Variants in HECTD4 observed in about 807,000 individuals in gnomAD.
HECTD4 encodes HECT domain E3 ubiquitin protein ligase 4.
HECTD4 carries 114 observed loss-of-function variants against 471.5 expected under a neutral mutation model. That is an observed-to-expected ratio of 0.24 (90% confidence interval 0.21 to 0.28). HECTD4 has a LOEUF of 0.28. HECTD4 is among the 10% of genes least tolerant of loss of function. The probability of loss-of-function intolerance (pLI) is 1.00; values close to 1 mark genes in which losing one functional copy is unlikely to be tolerated. For synonymous variants in HECTD4, 2,012 were observed against 2,256.0 expected (o/e 0.89, Z 3.07); for missense variants, 3,866 against 5,651.5 (o/e 0.68, Z 10.13).
intron 8 of HECTD4, among the ~76,000 whole-genome samples, chr12:112,281,939 G>C (rs981565361): frequency 6.6e-6 from 1 of 151,950 alleles, no homozygotes; most frequent in Non-Finnish European, 1.5e-5. Flanking sequence ...ATGGAATAAT[G>C]GTTCTTAATG....
At chr12:112,306,348 G>A in intron 6 of HECTD4, 114 bp from the exon 7 acceptor site, 1 of 871,306 alleles carries the variant, frequency 1.1e-6, no homozygotes, top group South Asian at 4.5e-5. Flanking sequence ...AGGCTTTCTG[G>A]TCAAAATAAA....
intron 1 of HECTD4, among the ~76,000 whole-genome samples, chr12:112,349,760 A>C (rs1175461721): frequency 2.6e-5 from 4 of 152,200 alleles, no homozygotes; most frequent in African/African-American, 9.6e-5. Flanking sequence ...TATGGAGTAA[A>C]AATGGGTGAA....
At chr12:112,215,640 T>A (rs1476937981) in intron 48 of HECTD4, among the ~76,000 whole-genome samples, 1 of 152,096 alleles carries the variant, frequency 6.6e-6, no homozygotes, top group Admixed American at 6.6e-5. Context: ...AAGGCATTTC[T>A]CTCTCTCTCT....
At chr12:112,288,132 C>T (rs971169560) in intron 7 of HECTD4, among the ~76,000 whole-genome samples, 1 of 147,896 alleles carries the variant, frequency 6.8e-6, no homozygotes. Flanking sequence ...AGTTCGAGAC[C>T]AGCCTGGCCA....
chr12:112,366,187 A>C (rs2036553973), intron 1 of HECTD4, among the ~76,000 whole-genome samples: 1 of 151,984 alleles, frequency 6.6e-6, no homozygotes, highest in South Asian at 2.1e-4. Flanking sequence ...GAGGGGAAAA[A>C]CCCAAAATAC....
chr12:112,206,444 A>G (rs2135538140), intron 52 of HECTD4, among the ~76,000 whole-genome samples: 1 of 152,098 alleles, frequency 6.6e-6, no homozygotes, highest in African/African-American at 2.4e-5. Flanking sequence ...GCAATGAGCT[A>G]TGATTGCACC....
chr12:112,308,465 A>AAAAC lies in HECTD4; in HGVS notation c.1164+287_1164+288insGTTT, dbSNP rs1555257010. On this transcript the variant is annotated intron_variant, in intron 6 of 75. Coordinates refer to ENST00000682272, the MANE Select transcript of HECTD4 (RefSeq NM_001388303.1). ...AAAAAAACAAAAACAAAACAAAAAA[A>AAAAC]AAAAACCAGCTAGTATTTATACCAT... is the stretch of plus-strand genomic sequence containing the variant. Among the ~76,000 whole-genome samples the AAAAC allele has an allele frequency of 7.4e-4, 112 of 150,518 alleles. No homozygotes were observed. In the East Asian group the frequency reaches 0.016, roughly 22 times the overall value.
chr12:112,251,885 C>T (rs1479303716), intron 23 of HECTD4, among the ~76,000 whole-genome samples: 1 of 152,154 alleles, frequency 6.6e-6, no homozygotes, highest in Non-Finnish European at 1.5e-5. Flanking sequence ...GATTCTCCTC[C>T]CTCAGCCTCT....
chr12:112,327,992 C>T (rs1374162460), intron 1 of HECTD4, among the ~76,000 whole-genome samples: 1 of 152,100 alleles, frequency 6.6e-6, no homozygotes, highest in Non-Finnish European at 1.5e-5. Flanking sequence ...ACTATACTCC[C>T]CGGTATGGGA....
At chr12:112,372,550 C>G (rs553571575) in intron 1 of HECTD4, among the ~76,000 whole-genome samples, 1 of 152,174 alleles carries the variant, frequency 6.6e-6, no homozygotes, top group South Asian at 2.1e-4. Flanking sequence ...TCCCAAAGTG[C>G]TGGGATTACA....
intron 48 of HECTD4, among the ~76,000 whole-genome samples, chr12:112,214,965 C>T (rs1430960097): frequency 6.6e-6 from 1 of 152,024 alleles, no homozygotes; most frequent in Non-Finnish European, 1.5e-5. Context: ...ACCAGCCTGG[C>T]CAGCATGGTG....
rs756977394 is a variant in HECTD4 at position 112,207,904 on chromosome 12, G to T, written c.8101C>A (p.Leu2701Met). The change falls in exon 52 of 76, where the codon CTG becomes ATG. Residue 2701 changes from leucine to methionine, a missense_variant. Leu to Met is a conservative substitution (Grantham distance 15). Around this residue, in one of 16 missense-constraint regions of HECTD4, gnomAD observed 266 missense variants for 441.6 expected, o/e 0.60. Coordinates refer to ENST00000682272, the MANE Select transcript of HECTD4 (RefSeq NM_001388303.1). Reference sequence around the variant, plus strand: ...TGTAAGGCCCCCTTTATCTGGTCCAGGCCCGATTTCCGCTCTGCTTCATTG... The same window carrying T: ...TGTAAGGCCCCCTTTATCTGGTCCATGCCCGATTTCCGCTCTGCTTCATTG... ...FRNEAERKSGLDQIKGALQLG... is the reference protein window; with the variant it reads ...FRNEAERKSGMDQIKGALQLG... The T allele has an allele frequency of 1.2e-6, 2 of 1,613,834 alleles. No homozygotes were observed. The highest frequency in any genetic ancestry group is 1.7e-6 in the Non-Finnish European group (2 of 1,179,886).
rs1202524208 is a variant in HECTD4 at position 112,233,153 on chromosome 12, G to T, written c.5916-68C>A. The T allele has an allele frequency of 3.2e-6, 4 of 1,268,468 alleles. No individual in the cohort carries two copies. In the African/African-American group the frequency reaches 4.4e-5, roughly 14 times the overall value. 78.6% of individuals were successfully genotyped at this position (1,268,468 alleles called of 1,614,324 possible). A position where few individuals can be genotyped will look rare whatever the true frequency, so the allele number is the denominator to read the frequency against. ...CTGCCAAAAGTGGGCTGCATGCCATGGGGTCACCCAGTCATGGTGAGGCCC... is the reference window on the plus strand; with the variant it reads ...CTGCCAAAAGTGGGCTGCATGCCATTGGGTCACCCAGTCATGGTGAGGCCC... On this transcript the variant is annotated intron_variant, in intron 37 of 75. Transcript: ENST00000682272.
rs183266585 is a variant in HECTD4 at position 112,380,538 on chromosome 12, T to C, written c.177+1414A>G. On this transcript the variant is annotated intron_variant, in intron 1 of 75. Transcript: ENST00000682272. Reference sequence around the variant, plus strand: ...ATTAAATCAAAAGATTCCACTATCATAGCATAATACCCCTTGAGTTTTCAG... The same window carrying C: ...ATTAAATCAAAAGATTCCACTATCACAGCATAATACCCCTTGAGTTTTCAG... 1.1e-3 allele frequency among the ~76,000 whole-genome samples: 165 copies of C among 152,192 alleles called. 1 individual carries two copies. The highest frequency in any genetic ancestry group is 3.8e-3 in the African/African-American group (158 of 41,538).
intron 18 of HECTD4, among the ~76,000 whole-genome samples, chr12:112,260,920 T>C (rs1300657981): frequency 6.6e-6 from 1 of 152,132 alleles, no homozygotes; most frequent in African/African-American, 2.4e-5. Context: ...ATCAGTGTCA[T>C]CCTTTGTGTA....
At position 112,239,788 on chromosome 12, in the gene HECTD4, A is replaced by C. The variant is rs2033595141; in HGVS notation, c.5105+93T>G. 1 of 1,304,062 alleles carries C rather than the reference A, an allele frequency of 7.7e-7. No homozygotes were observed. The highest frequency in any genetic ancestry group is 1.5e-5 in the African/African-American group (1 of 67,740). The allele number at this position is 1,304,062 out of a possible 1,614,324, so 80.8% of individuals were successfully genotyped here. A position where few individuals can be genotyped will look rare whatever the true frequency, so the allele number is the denominator to read the frequency against. ...ATAGCTAGCTCTGGATAATGAAAGC[A>C]AAAAATCCAATTTTTAAAATTAAAA... On this transcript the variant is annotated intron_variant, in intron 33 of 75. Coordinates refer to ENST00000682272, the MANE Select transcript of HECTD4 (RefSeq NM_001388303.1). This position sits in a 1 kb window ranked among gnomAD's most constrained non-coding sequence, Gnocchi z 4.9.
intron 44 of HECTD4, 95 bp from the exon 45 acceptor site, chr12:112,219,584 A>C: frequency 5.0e-6 from 4 of 795,594 alleles, no homozygotes; most frequent in Non-Finnish European, 2.0e-6. Context: ...AATAAAATGC[A>C]CTTATAGAGC....
At chr12:112,200,615 T>G in intron 55 of HECTD4, 23 bp downstream of exon 55, 1 of 1,599,278 alleles carries the variant, frequency 6.3e-7, no homozygotes, top group Non-Finnish European at 8.6e-7. Flanking sequence ...TGTGACCCAG[T>G]AGAAAGAAGG....
chr12:112,281,797 C>T (rs2034645758), intron 8 of HECTD4, among the ~76,000 whole-genome samples: 1 of 152,136 alleles, frequency 6.6e-6, no homozygotes, highest in Non-Finnish European at 1.5e-5. Flanking sequence ...CATAAGATTA[C>T]ACTGAATTCA....
Sources: allele counts gnomAD v4.1 joint callset (sites outside exome capture counted in the v4.1 genomes callset), GRCh38; gene constraint gnomAD v4.1.1; regional missense constraint gnomAD v4.1.1; non-coding constraint Gnocchi (gnomAD v3.1); transcripts MANE v1.5; gene names NCBI Gene and HGNC (gene_info 2026-07-23, HGNC 2026-07-21).